Variants in UTRN observed in about 807,000 individuals in gnomAD.
The protein encoded by UTRN is dystrophin-related protein 1.
UTRN carries 283 observed loss-of-function variants against 463.9 expected under a neutral mutation model. The observed-to-expected ratio is 0.61, with a 90% CI of 0.55 to 0.67. The LOEUF (loss-of-function observed/expected upper bound fraction) is 0.67. Ranked by LOEUF, UTRN falls within the 30% of genes least tolerant of loss-of-function variation. UTRN has a pLI of 0.00. For synonymous variants in UTRN, 1,442 were observed against 1,431.5 expected, an observed-to-expected ratio of 1.01 and a Z score of -0.17; for missense variants, 3,922 against 4,084.3, an observed-to-expected ratio of 0.96 and a Z score of 1.08.
intron 2 of UTRN, among the ~76,000 whole-genome samples, chr6:144,368,344 T>C (rs983804612): frequency 1.3e-5 from 2 of 152,022 alleles, no homozygotes; most frequent in African/African-American, 4.8e-5. Context: ...TGGCACAGAG[T>C]AGATGCTCAA....
At chr6:144,777,647 T>C (rs988547594) in intron 60 of UTRN, among the ~76,000 whole-genome samples, 3 of 152,198 alleles carry the variant, frequency 2.0e-5, no homozygotes, top group South Asian at 4.1e-4. Context: ...TGAAACTTTA[T>C]GTGATAGGTA....
chr6:144,583,570 T>G (rs1397241812), intron 51 of UTRN: 1 of 714,186 alleles, frequency 1.4e-6, no homozygotes, highest in African/African-American at 1.7e-5. Context: ...GGATGGCAGT[T>G]TCTTCTCCTC....
At chr6:144,700,388 A>T in intron 53 of UTRN, 145 bp downstream of exon 53, 1 of 942,734 alleles carries the variant, frequency 1.1e-6, no homozygotes, top group Admixed American at 3.1e-5. Context: ...TTGCCAGTAG[A>T]CATTTAAAGT....
At chr6:144,777,486 G>GAGCC (rs1182048068) in intron 60 of UTRN, among the ~76,000 whole-genome samples, 5 of 152,216 alleles carry the variant, frequency 3.3e-5, no homozygotes, top group Non-Finnish European at 1.5e-5. Context: ...ATAATTGTAA[G>GAGCC]AGGATGTAAT....
At chr6:144,530,933 A>G in intron 41 of UTRN, 119 bp from the exon 42 acceptor site, 1 of 1,149,192 alleles carries the variant, frequency 8.7e-7, no homozygotes, top group South Asian at 1.7e-5. Context: ...ATAGGCTGTG[A>G]ATTCAGTTGT....
At chr6:144,789,335 C>G (rs1776564241) in intron 62 of UTRN, 56 bp downstream of exon 62, 1 of 1,377,054 alleles carries the variant, frequency 7.3e-7, no homozygotes. Context: ...ATGATTATAA[C>G]AATTTATTGG....
At chr6:144,578,725 C>T (rs1300578433) in intron 51 of UTRN, among the ~76,000 whole-genome samples, 1 of 152,196 alleles carries the variant, frequency 6.6e-6, no homozygotes, top group Admixed American at 6.5e-5. Context: ...TTGTTGCCTA[C>T]GCAGTGCCCT....
intron 48 of UTRN, among the ~76,000 whole-genome samples, chr6:144,551,384 TA>T (rs911502651): frequency 2.6e-5 from 4 of 152,044 alleles, no homozygotes; most frequent in African/African-American, 9.7e-5. Flanking sequence ...TTTAGAGGAA[TA>T]AAAAAAGGTT....
chr6:144,626,196 A>ATC (rs1156343336), intron 51 of UTRN, among the ~76,000 whole-genome samples: 4 of 152,186 alleles, frequency 2.6e-5, no homozygotes, highest in African/African-American at 9.7e-5. Flanking sequence ...CTAGTCTATT[A>ATC]TCTCTCACCT....
At chr6:144,294,913 G>A (rs1253803488) in intron 2 of UTRN, among the ~76,000 whole-genome samples, 1 of 152,172 alleles carries the variant, frequency 6.6e-6, no homozygotes, top group Non-Finnish European at 1.5e-5. Context: ...ATTTATGGTT[G>A]TAGTATACTT....
intron 51 of UTRN, among the ~76,000 whole-genome samples, chr6:144,621,200 A>C (rs1317930130): frequency 6.6e-6 from 1 of 152,186 alleles, no homozygotes; most frequent in Non-Finnish European, 1.5e-5. Flanking sequence ...TGTAATATTC[A>C]TTTTTACTAA....
At chr6:144,320,725 T>C (rs1775583083) in intron 2 of UTRN, among the ~76,000 whole-genome samples, 2 of 152,206 alleles carry the variant, frequency 1.3e-5, no homozygotes, top group Non-Finnish European at 2.9e-5. Flanking sequence ...AAAAAACTAG[T>C]GCACCACTCA....
intron 51 of UTRN, among the ~76,000 whole-genome samples, chr6:144,618,855 T>C (rs1013926082): frequency 2.0e-5 from 3 of 152,212 alleles, no homozygotes; most frequent in Non-Finnish European, 4.4e-5. Context: ...ACACACCAAA[T>C]ATGTTTTATT....
At chr6:144,824,174 A>G (rs1005242833) in intron 66 of UTRN, among the ~76,000 whole-genome samples, 5 of 152,062 alleles carry the variant, frequency 3.3e-5, no homozygotes, top group East Asian at 1.9e-4. Context: ...AGATGGAACC[A>G]TATAATGAAG....
At chr6:144,353,027 C>G (rs555612820) in intron 2 of UTRN, among the ~76,000 whole-genome samples, 1 of 152,048 alleles carries the variant, frequency 6.6e-6, no homozygotes, top group Admixed American at 6.5e-5. Context: ...ACTGTAGCCT[C>G]GATCTCCGGG....
chr6:144,674,306 C>T (rs1322190135), intron 51 of UTRN, among the ~76,000 whole-genome samples: 1 of 150,696 alleles, frequency 6.6e-6, no homozygotes, highest in Non-Finnish European at 1.5e-5. Flanking sequence ...GGTTGTTTAA[C>T]ATAATCCTAA....
chr6:144,543,554 C>T (rs905097494), intron 46 of UTRN, among the ~76,000 whole-genome samples: 2 of 152,134 alleles, frequency 1.3e-5, no homozygotes, highest in Non-Finnish European at 2.9e-5. Flanking sequence ...TCCACTCACT[C>T]CCTGACAGCT....
chr6:144,579,135 A>G (rs892099022), intron 51 of UTRN, among the ~76,000 whole-genome samples: 18 of 152,186 alleles, frequency 1.2e-4, no homozygotes, highest in Non-Finnish European at 2.1e-4. Flanking sequence ...TTCATTGCGC[A>G]ATACATTTTG....
intron 15 of UTRN, 52 bp downstream of exon 15, chr6:144,447,370 G>A: frequency 6.5e-7 from 1 of 1,543,428 alleles, no homozygotes; most frequent in Non-Finnish European, 8.9e-7. Flanking sequence ...ATATCTTAAT[G>A]TTTTATAGCT....
Sources: allele counts gnomAD v4.1 joint callset (sites outside exome capture counted in the v4.1 genomes callset), GRCh38; gene constraint gnomAD v4.1.1; transcripts MANE v1.5; gene names NCBI Gene and HGNC (gene_info 2026-07-23, HGNC 2026-07-21).